CLCN3: variants seen among roughly 807,000 people sequenced by gnomAD.
CLCN3 encodes the protein H(+)/Cl(-) exchange transporter 3.
Under a neutral mutation model 83.4 loss-of-function variants are expected in CLCN3, and 16 were observed. The observed-to-expected ratio is 0.19, with a 90% confidence interval of 0.13 to 0.29. The LOEUF (loss-of-function observed/expected upper bound fraction) is 0.29, where lower values mean the gene tolerates loss of function less well. Ranked by LOEUF, CLCN3 falls within the 10% of genes least tolerant of loss-of-function variation. CLCN3 has a pLI of 1.00. For missense variants in CLCN3, 544 were observed against 1,006.0 expected, an observed-to-expected ratio of 0.54 and a Z score of 6.21; for synonymous variants, 322 against 346.2, an observed-to-expected ratio of 0.93 and a Z score of 0.78.
chr4:169,678,495 A>G (rs1218697854), intron 2 of CLCN3, among the ~76,000 whole-genome samples: 2 of 152,048 alleles, frequency 1.3e-5, no homozygotes, highest in Admixed American at 1.3e-4. Context: ...ATAGGACAAT[A>G]GTGGAGGGAA....
intron 2 of CLCN3, among the ~76,000 whole-genome samples, chr4:169,676,875 G>C (rs1053823525): frequency 1.3e-5 from 2 of 151,928 alleles, no homozygotes; most frequent in African/African-American, 4.8e-5. Flanking sequence ...TTCAGAAATA[G>C]GTGTTAAGTG....
Position 169,713,595 on chromosome 4 carries a change from C to T in CLCN3, c.2366+300C>T, listed in dbSNP as rs1733308915. ...ATGTTGAGCTTAGAGTGCTTCTTTT[C>T]CTAGGGAAGAGTGGACCTAACCTGC... On this transcript the variant is annotated intron_variant, in intron 12 of 12. Transcript: ENST00000513761. Among the ~76,000 whole-genome samples the T allele has an allele frequency of 3.3e-5, 5 of 152,144 alleles. No homozygotes were observed. In the South Asian group the frequency reaches 1.0e-3, roughly 32 times the overall value.
At chr4:169,642,346 C>A (rs1417945290) in intron 2 of CLCN3, among the ~76,000 whole-genome samples, 3 of 152,110 alleles carry the variant, frequency 2.0e-5, no homozygotes, top group Non-Finnish European at 4.4e-5. Context: ...AAAACAAAAA[C>A]CTAACCAATT....
At chr4:169,633,307 A>C (rs1773426188) in intron 1 of CLCN3, among the ~76,000 whole-genome samples, 1 of 152,190 alleles carries the variant, frequency 6.6e-6, no homozygotes. Flanking sequence ...CACCACACCC[A>C]GCTTATCTCT....
At chr4:169,709,432 C>T (rs1581279216) in intron 11 of CLCN3, among the ~76,000 whole-genome samples, 1 of 151,340 alleles carries the variant, frequency 6.6e-6, no homozygotes, top group South Asian at 2.1e-4. Context: ...GCCTGTAATC[C>T]CAGCACTTTG....
chr4:169,679,782 C>CG (rs1329638656), intron 2 of CLCN3, among the ~76,000 whole-genome samples: 1 of 152,126 alleles, frequency 6.6e-6, no homozygotes, highest in East Asian at 1.9e-4. Flanking sequence ...CCCAGGCACT[C>CG]GGCAGGCTGA....
chr4:169,699,006 C>T (rs1326477527), intron 9 of CLCN3, among the ~76,000 whole-genome samples: 1 of 152,164 alleles, frequency 6.6e-6, no homozygotes, highest in African/African-American at 2.4e-5. Context: ...TACTTTAGGC[C>T]CACGCAGATA....
intron 7 of CLCN3, among the ~76,000 whole-genome samples, chr4:169,692,937 AT>A (rs1389210422): frequency 6.6e-6 from 1 of 152,056 alleles, no homozygotes; most frequent in Non-Finnish European, 1.5e-5. Flanking sequence ...TATATTATGG[AT>A]TTCCTCTGAT....
chr4:169,693,897 A>C (rs1010496785), intron 7 of CLCN3, among the ~76,000 whole-genome samples: 5 of 152,356 alleles, frequency 3.3e-5, no homozygotes, highest in African/African-American at 9.6e-5. Flanking sequence ...GCAAGAATTC[A>C]CGGTTAGTTG....
At chr4:169,639,743 G>A (rs1482691087) in intron 2 of CLCN3, among the ~76,000 whole-genome samples, 2 of 152,204 alleles carry the variant, frequency 1.3e-5, no homozygotes, top group Admixed American at 6.5e-5. Context: ...TTTCTGCTCA[G>A]TATCTGGGGA....
intron 6 of CLCN3, among the ~76,000 whole-genome samples, chr4:169,690,874 C>G (rs1258073440): frequency 1.5e-4 from 22 of 151,712 alleles, no homozygotes; most frequent in Admixed American, 6.6e-5. Flanking sequence ...TTTTTTCTCT[C>G]ACCACTAATT....
chr4:169,719,517 C>T (rs1006229592), intron 12 of CLCN3, among the ~76,000 whole-genome samples: 1 of 152,170 alleles, frequency 6.6e-6, no homozygotes, highest in African/African-American at 2.4e-5. Context: ...AGGATTTGGT[C>T]ATCATTTTAC....
intron 2 of CLCN3, among the ~76,000 whole-genome samples, chr4:169,643,408 T>G (rs1730478713): frequency 6.6e-6 from 1 of 152,046 alleles, no homozygotes; most frequent in African/African-American, 2.4e-5. Context: ...TTTTTTGTAT[T>G]TAGTAGAGAC....
intron 2 of CLCN3, among the ~76,000 whole-genome samples, chr4:169,636,421 A>G (rs184881032): frequency 6.6e-6 from 1 of 152,318 alleles, no homozygotes; most frequent in Admixed American, 6.5e-5. Flanking sequence ...TACAAAGTGA[A>G]CATTTATTAT....
intron 1 of CLCN3, 69 bp downstream of exon 1, chr4:169,621,132 C>T (rs1773102330): frequency 5.1e-6 from 2 of 390,022 alleles, no homozygotes; most frequent in Admixed American, 8.9e-5. Flanking sequence ...AACTGTGAGG[C>T]CACAGCGCTC....
chr4:169,689,310 C>G, intron 5 of CLCN3, 80 bp downstream of exon 5: 1 of 1,220,876 alleles, frequency 8.2e-7, no homozygotes, highest in Non-Finnish European at 1.2e-6. Context: ...TAGAACTAAT[C>G]ACATATTAGA....
chr4:169,659,896 A>G (rs1017898771), intron 2 of CLCN3, among the ~76,000 whole-genome samples: 2 of 152,180 alleles, frequency 1.3e-5, no homozygotes, highest in African/African-American at 4.8e-5. Flanking sequence ...ATTAGAAATG[A>G]AAAAGGGCAT....
At chr4:169,697,833 G>A in intron 9 of CLCN3, 99 bp downstream of exon 9, 1 of 776,896 alleles carries the variant, frequency 1.3e-6, no homozygotes, top group Non-Finnish European at 2.1e-6. Context: ...ACTGAAAAAA[G>A]TACTTATCTT....
At chr4:169,672,161 G>A (rs1731484512) in intron 2 of CLCN3, among the ~76,000 whole-genome samples, 1 of 151,856 alleles carries the variant, frequency 6.6e-6, no homozygotes, top group South Asian at 2.1e-4. Context: ...GCAGTGAGCC[G>A]AGATCGCGCC....
Sources: gnomAD v4.1 joint callset for allele counts (sites outside exome capture counted in the v4.1 genomes callset) on GRCh38, gnomAD v4.1.1 for gene constraint, MANE v1.5 for transcripts, NCBI Gene and HGNC (gene_info 2026-07-23, HGNC 2026-07-21) for gene names.